RERE: variants seen among roughly 807,000 people sequenced by gnomAD.
The protein encoded by RERE is arginine-glutamic acid dipeptide repeats.
Under a neutral mutation model 146.1 loss-of-function variants are expected in RERE, and 40 were observed. That is an observed-to-expected ratio of 0.27 (90% CI 0.21 to 0.36). The LOEUF is 0.36. Among genes scored for constraint, RERE ranks in the 10% least tolerant of loss-of-function variants. The pLI is 1.00. For missense variants in RERE, 1,933 were observed against 2,138.7 expected, an observed-to-expected ratio of 0.90 and a Z score of 1.90; for synonymous variants, 1,003 against 866.0, an observed-to-expected ratio of 1.16 and a Z score of -2.78.
chr1:8,776,087 C>T (rs903367385), intron 1 of RERE, among the ~76,000 whole-genome samples: 5 of 152,204 alleles, frequency 3.3e-5, no homozygotes, highest in African/African-American at 1.2e-4. Flanking sequence ...CAAGTAAACA[C>T]CAAATTAGTA....
intron 11 of RERE, among the ~76,000 whole-genome samples, chr1:8,462,576 G>C (rs1357713352): frequency 6.6e-6 from 1 of 152,256 alleles, no homozygotes; most frequent in Non-Finnish European, 1.5e-5. Flanking sequence ...CCTGTCCGCT[G>C]CACAGCAGGG....
intron 10 of RERE, among the ~76,000 whole-genome samples, chr1:8,482,300 T>A (rs754507942): frequency 6.6e-6 from 1 of 151,790 alleles, no homozygotes; most frequent in Non-Finnish European, 1.5e-5. Flanking sequence ...AAGAAGAAAG[T>A]GGGGTATAAA....
chr1:8,672,858 CCAAA>C (rs942989921), intron 1 of RERE, among the ~76,000 whole-genome samples: 12 of 152,028 alleles, frequency 7.9e-5, no homozygotes, highest in African/African-American at 1.9e-4. Flanking sequence ...ATGTTTACTA[CCAAA>C]CAAACAAACA....
At chr1:8,653,019 T>C (rs1455515032) in intron 2 of RERE, among the ~76,000 whole-genome samples, 1 of 152,132 alleles carries the variant, frequency 6.6e-6, no homozygotes, top group Non-Finnish European at 1.5e-5. Context: ...TTGTGGTTTG[T>C]TGGTTTATTT....
At chr1:8,498,716 A>AT (rs1557659424) in intron 8 of RERE, among the ~76,000 whole-genome samples, 12 of 103,706 alleles carry the variant, frequency 1.2e-4, no homozygotes, top group African/African-American at 3.9e-4. Flanking sequence ...AAAATAAAAA[A>AT]AAAAAAATAA....
intron 1 of RERE, among the ~76,000 whole-genome samples, chr1:8,687,402 A>G (rs992941589): frequency 2.6e-5 from 4 of 152,176 alleles, no homozygotes; most frequent in African/African-American, 9.7e-5. Flanking sequence ...GAGGAAGTAT[A>G]AAAGGACAAT....
rs1178247527 is a variant in RERE, at chr1:8,423,911, C to G, written c.1204-1104G>C. On this transcript the variant is annotated intron_variant, in intron 11 of 22. Transcript: ENST00000400908. The surrounding 1 kb of genome is among the most constrained non-coding windows in gnomAD (Gnocchi z 5.4). Reference sequence around the variant, plus strand: ...CCCGGCCCCGCCCCCGGCCCGACCCCCACCCCGAGGCCGGAGCCTCCAGGG... The same window carrying G: ...CCCGGCCCCGCCCCCGGCCCGACCCGCACCCCGAGGCCGGAGCCTCCAGGG... The G allele has an allele frequency of 6.5e-6, 1 of 152,684 alleles. No individual in the cohort carries two copies. Among genetic ancestry groups the G allele is most frequent in the Non-Finnish European group, 1.4e-5 (1 of 68,978 alleles). 9.5% of individuals were successfully genotyped at this position (152,684 alleles called of 1,614,324 possible).
intron 11 of RERE, among the ~76,000 whole-genome samples, chr1:8,452,174 A>C (rs923995280): frequency 6.6e-6 from 1 of 152,016 alleles, no homozygotes; most frequent in African/African-American, 2.4e-5. Context: ...CCTCTACAGC[A>C]CCCTTCCTGA....
chr1:8,768,268 C>T (rs1408588608), intron 1 of RERE, among the ~76,000 whole-genome samples: 2 of 152,194 alleles, frequency 1.3e-5, no homozygotes, highest in Non-Finnish European at 2.9e-5. Context: ...TATGTACTTA[C>T]ACAGGAATAC....
rs746036177 is a variant in RERE at position 8,495,135 on chromosome 1, A to G, written c.1032T>C (p.Cys344=). 12 of 1,613,824 alleles carry G rather than the reference A, an allele frequency of 7.4e-6. No individual in the cohort carries two copies. The highest frequency in any genetic ancestry group is 1.3e-5 in the African/African-American group (1 of 74,922). ...ARSMAAFAGM[C]DGGSTEDGCV... Reference sequence around the variant, plus strand: ...AGCCGTCCTCTGTAGAGCCTCCATCACACATTCCTGCAAATGCCGCCATGC... The same window carrying G: ...AGCCGTCCTCTGTAGAGCCTCCATCGCACATTCCTGCAAATGCCGCCATGC... The change falls in exon 10 of 23, where the codon TGT becomes TGC. Residue 344 remains cysteine (C), a synonymous_variant. Coordinates refer to ENST00000400908, the MANE Select transcript of RERE (RefSeq NM_001042681.2).
intron 3 of RERE, among the ~76,000 whole-genome samples, chr1:8,619,943 A>G (rs968616531): frequency 6.6e-6 from 1 of 152,216 alleles, no homozygotes; most frequent in African/African-American, 2.4e-5. Flanking sequence ...ACAATATTTT[A>G]TACTTCTTCA....
chr1:8,766,626 G>A (rs1023740007), intron 1 of RERE, among the ~76,000 whole-genome samples: 4 of 151,602 alleles, frequency 2.6e-5, no homozygotes, highest in Non-Finnish European at 5.9e-5. Flanking sequence ...ATTAGGAAGA[G>A]ATAAGAGATA....
At chr1:8,521,389 CCTA>C (rs982710614) in intron 7 of RERE, among the ~76,000 whole-genome samples, 3 of 152,040 alleles carry the variant, frequency 2.0e-5, no homozygotes, top group Non-Finnish European at 2.9e-5. Context: ...TGCCTATAAT[CCTA>C]CTATTTTGGG....
chr1:8,638,159 T>C (rs938982151), intron 2 of RERE, among the ~76,000 whole-genome samples: 1 of 152,214 alleles, frequency 6.6e-6, no homozygotes, highest in Admixed American at 6.5e-5. Flanking sequence ...AAACTTGTAA[T>C]ATAGTAATAT....
At chr1:8,749,070 G>C (rs558087767) in intron 1 of RERE, among the ~76,000 whole-genome samples, 6 of 152,188 alleles carry the variant, frequency 3.9e-5, no homozygotes, top group Admixed American at 3.9e-4. Flanking sequence ...TTAATCATCA[G>C]AACTACTCCA....
chr1:8,784,435 A>G (rs1031642580), intron 1 of RERE, among the ~76,000 whole-genome samples: 4 of 152,064 alleles, frequency 2.6e-5, no homozygotes, highest in African/African-American at 9.7e-5. Context: ...TAAGCTCCAC[A>G]GAGGCAGGGT....
intron 6 of RERE, among the ~76,000 whole-genome samples, chr1:8,547,421 A>G (rs1242532800): frequency 6.6e-6 from 1 of 152,202 alleles, no homozygotes; most frequent in East Asian, 1.9e-4. Flanking sequence ...ATTTGATTAG[A>G]TAAAAATACA....
Position 8,814,037 on chromosome 1 carries a change from G to C in RERE, c.-145+3123C>G, listed in dbSNP as rs534934191. The stretch of plus-strand genomic sequence containing the variant: ...TGTTGTGAATTGGTTCTCAGTTCTA[G>C]TTTCCTTGTGACAAAACACTGATGG... On this transcript the variant is annotated intron_variant, in intron 1 of 22. Transcript: ENST00000400908. 8.5e-5 allele frequency among the ~76,000 whole-genome samples: 13 copies of C among 152,278 alleles called. No individual in the cohort carries two copies. The East Asian group carries it at 2.3e-3, about 27-fold the overall frequency.
chr1:8,811,916 T>A (rs979142286), intron 1 of RERE, among the ~76,000 whole-genome samples: 3 of 152,076 alleles, frequency 2.0e-5, no homozygotes, highest in African/African-American at 7.2e-5. Context: ...CGCCACAAAC[T>A]CCTCCTGCTG....
Sources: gnomAD v4.1 joint callset for allele counts (sites outside exome capture counted in the v4.1 genomes callset) on GRCh38, gnomAD v4.1.1 for gene constraint, Gnocchi (gnomAD v3.1) non-coding constraint, MANE v1.5 for transcripts, NCBI Gene and HGNC (gene_info 2026-07-23, HGNC 2026-07-21) for gene names.